Variants in NPLOC4 observed in about 807,000 individuals in gnomAD.
NPLOC4 encodes the protein NPL4 homolog, ubiquitin recognition factor, also known as nuclear protein localization protein 4 homolog.
NPLOC4 carries 18 observed loss-of-function variants against 80.6 expected under a neutral mutation model. The ratio of observed to expected loss-of-function variants is 0.22; its 90% confidence interval spans 0.15 to 0.33. NPLOC4 has a LOEUF of 0.33. Among genes scored for constraint, NPLOC4 ranks in the 10% least tolerant of loss-of-function variants. The pLI is 1.00. For synonymous variants in NPLOC4, 313 were observed against 301.5 expected (o/e 1.04, Z -0.39); for missense variants, 540 against 786.1 (o/e 0.69, Z 3.74).
At chr17:81,593,676 T>G (rs1598644289) in intron 11 of NPLOC4, among the ~76,000 whole-genome samples, 1 of 150,482 alleles carries the variant, frequency 6.6e-6, no homozygotes. Context: ...GTGGCAGGGG[T>G]GTGGGGATGT....
At chr17:81,568,454 CT>C (rs1400187996) in intron 14 of NPLOC4, among the ~76,000 whole-genome samples, 2 of 152,234 alleles carry the variant, frequency 1.3e-5, no homozygotes, top group Non-Finnish European at 2.9e-5. Context: ...TATAGACATT[CT>C]TTGACCACCT....
intron 1 of NPLOC4, among the ~76,000 whole-genome samples, chr17:81,635,186 A>C (rs79356272): frequency 0.045 from 6,887 of 151,894 alleles, 267 homozygotes; most frequent in East Asian, 0.22. Flanking sequence ...CTAAAAATAA[A>C]AAAGACATCA....
At chr17:81,593,951 C>G (rs1354634674) in intron 11 of NPLOC4, among the ~76,000 whole-genome samples, 1 of 152,072 alleles carries the variant, frequency 6.6e-6, no homozygotes, top group East Asian at 1.9e-4. Context: ...TTCCCTTAAG[C>G]ACTCAACCCA....
At chr17:81,598,932 G>C (rs1212090258) in intron 9 of NPLOC4, among the ~76,000 whole-genome samples, 5 of 152,172 alleles carry the variant, frequency 3.3e-5, no homozygotes, top group Non-Finnish European at 5.9e-5. Context: ...GAAACTTAAA[G>C]GGTTAATTAT....
intron 5 of NPLOC4, among the ~76,000 whole-genome samples, chr17:81,609,529 A>G (rs992021048): frequency 2.0e-5 from 3 of 152,092 alleles, no homozygotes; most frequent in Non-Finnish European, 4.4e-5. Context: ...CCCAGGCTGA[A>G]CAATTCCTAG....
intron 16 of NPLOC4, chr17:81,560,724 G>T: frequency 6.6e-6 from 1 of 152,670 alleles, no homozygotes. Context: ...AACCTACCTA[G>T]GAATGAATCT....
intron 9 of NPLOC4, among the ~76,000 whole-genome samples, chr17:81,599,561 G>A (rs1398405678): frequency 6.6e-6 from 1 of 152,136 alleles, no homozygotes; most frequent in African/African-American, 2.4e-5. Flanking sequence ...CACATTTGCA[G>A]TCTCACCCGC....
chr17:81,607,348 C>T (rs2035231203), intron 6 of NPLOC4, among the ~76,000 whole-genome samples: 1 of 150,430 alleles, frequency 6.6e-6, no homozygotes, highest in Non-Finnish European at 1.5e-5. Context: ...CTGGACCCTA[C>T]TCTGAACTTT....
intron 16 of NPLOC4, chr17:81,562,962 A>C (rs913687327): frequency 6.6e-6 from 1 of 151,710 alleles, no homozygotes; most frequent in Admixed American, 6.6e-5. Flanking sequence ...GGGGGAAAAA[A>C]AAAAGGTCAG....
chr17:81,625,272 A>C (rs2035767576), intron 2 of NPLOC4, among the ~76,000 whole-genome samples: 1 of 152,190 alleles, frequency 6.6e-6, no homozygotes, highest in Non-Finnish European at 1.5e-5. Flanking sequence ...AAAAGGAAGA[A>C]GACTAGAGGG....
chr17:81,598,072 C>A (rs1166653136), intron 9 of NPLOC4, among the ~76,000 whole-genome samples: 1 of 145,218 alleles, frequency 6.9e-6, no homozygotes, highest in Admixed American at 7.3e-5. Flanking sequence ...TCCAGCCTGG[C>A]CCACAGAGCA....
intron 13 of NPLOC4, 85 bp from the exon 14 acceptor site, chr17:81,569,196 G>C: frequency 1.2e-6 from 1 of 847,104 alleles, no homozygotes; most frequent in Non-Finnish European, 2.0e-6. Context: ...ATCTCCCAGA[G>C]CCCAAATTAA....
chr17:81,576,274 T>C (rs1253596769), intron 12 of NPLOC4, among the ~76,000 whole-genome samples: 1 of 152,248 alleles, frequency 6.6e-6, no homozygotes, highest in East Asian at 1.9e-4. Flanking sequence ...TGTAGGTAGA[T>C]GCATAGTTCT....
At chr17:81,635,068 G>A (rs1024737591) in intron 1 of NPLOC4, among the ~76,000 whole-genome samples, 6 of 151,840 alleles carry the variant, frequency 4.0e-5, no homozygotes, top group Non-Finnish European at 5.9e-5. Flanking sequence ...AAGGCCAGGC[G>A]CGGTGGCTTA....
At chr17:81,588,922 C>A (rs780596917) in intron 12 of NPLOC4, 22 bp downstream of exon 12, 3 of 1,605,742 alleles carry the variant, frequency 1.9e-6, no homozygotes, top group African/African-American at 1.3e-5. Context: ...GTACAGAGTT[C>A]TTTTTCTTAC....
intron 9 of NPLOC4, among the ~76,000 whole-genome samples, chr17:81,598,366 CAGTG>C (rs1442640265): frequency 1.3e-5 from 2 of 152,110 alleles, no homozygotes; most frequent in Non-Finnish European, 2.9e-5. Context: ...AGAGACACAG[CAGTG>C]AGTGAGACCA....
chr17:81,627,598 A>T (rs1598690659), intron 2 of NPLOC4, among the ~76,000 whole-genome samples: 1 of 150,440 alleles, frequency 6.6e-6, no homozygotes, highest in Admixed American at 6.6e-5. Flanking sequence ...ACTTAGCCGG[A>T]CTTGGTGGCG....
rs1295237469 is a variant in NPLOC4 at position 81,580,195 on chromosome 17, GTACCATGTGCCTC to G, written c.1282-8120_1282-8108del. 2.0e-5 allele frequency among the ~76,000 whole-genome samples: 3 copies of G among 152,110 alleles called. No homozygotes were observed. The highest frequency in any genetic ancestry group is 4.4e-5 in the Non-Finnish European group (3 of 68,018). On this transcript the variant is annotated intron_variant, in intron 12 of 16. Transcript: ENST00000331134. The surrounding 1 kb of genome is among the most constrained non-coding windows in gnomAD (Gnocchi z 4.4). Reference sequence around the variant, plus strand: ...CTCAAGCACCACCCCAACACCATCTGTACCATGTGCCTCTCCCAAGCAATGCGCTCACCCCGGG... The same window carrying G: ...CTCAAGCACCACCCCAACACCATCTGTCCCAAGCAATGCGCTCACCCCGGG...
intron 8 of NPLOC4, 113 bp from the exon 9 acceptor site, chr17:81,600,540 T>A: frequency 1.4e-6 from 1 of 738,306 alleles, no homozygotes; most frequent in Non-Finnish European, 2.4e-6. Flanking sequence ...GGCCTCCTTG[T>A]CAGAAAGGAG....
Sources: gnomAD v4.1 joint callset for allele counts (sites outside exome capture counted in the v4.1 genomes callset) on GRCh38, gnomAD v4.1.1 for gene constraint, Gnocchi (gnomAD v3.1) non-coding constraint, MANE v1.5 for transcripts, NCBI Gene and HGNC (gene_info 2026-07-23, HGNC 2026-07-21) for gene names.